SLC44A5: variants seen among roughly 807,000 people sequenced by gnomAD.
SLC44A5 encodes choline transporter-like protein 5.
A neutral mutation model predicts 101.8 loss-of-function variants in SLC44A5; 57 were observed. The ratio of observed to expected loss-of-function variants is 0.56; its 90% confidence interval spans 0.45 to 0.70. The LOEUF (loss-of-function observed/expected upper bound fraction) is 0.70. Ranked by LOEUF, SLC44A5 falls within the 30% of genes least tolerant of loss-of-function variation. The pLI, the probability that SLC44A5 is intolerant of heterozygous loss-of-function variation, is 0.00. For synonymous variants in SLC44A5, 281 were observed against 290.9 expected, an observed-to-expected ratio of 0.97 and a Z score of 0.35; for missense variants, 737 against 853.1, an observed-to-expected ratio of 0.86 and a Z score of 1.70.
At position 75,243,514 on chromosome 1, in the gene SLC44A5, T is replaced by A. The variant is rs191861409; in HGVS notation, c.346-503A>T. On this transcript the variant is annotated intron_variant, in intron 7 of 23. Transcript: ENST00000370859. ...CCAATCTCTATTCTTTGCTCTTTGA[T>A]ATTGATGTTATGTTAAAACAAGATA... 2.6e-5 allele frequency among the ~76,000 whole-genome samples: 4 copies of A among 152,218 alleles called. No homozygotes were observed. In the East Asian group the frequency reaches 7.7e-4, roughly 29 times the overall value.
At chr1:75,646,824 A>C in the SLC44A5 span, among the ~76,000 whole-genome samples, 2 of 152,160 alleles carry the variant, frequency 1.3e-5, no homozygotes, top group African/African-American at 2.4e-5. Context: ...TGAACTTGAG[A>C]GAGATAATTT....
chr1:75,591,265 A>G (rs1303027400), intron 1 of SLC44A5, among the ~76,000 whole-genome samples: 1 of 152,168 alleles, frequency 6.6e-6, no homozygotes, highest in Non-Finnish European at 1.5e-5. Context: ...ACCTTCACTA[A>G]AAGGAAGACA....
chr1:75,373,623 A>C (rs1017458263), intron 3 of SLC44A5, among the ~76,000 whole-genome samples: 8 of 152,092 alleles, frequency 5.3e-5, no homozygotes, highest in Non-Finnish European at 8.8e-5. Context: ...CGGCCAGGAG[A>C]GAGCAAGGCT....
chr1:75,400,659 C>CTTCTG (rs966896805), intron 2 of SLC44A5, among the ~76,000 whole-genome samples: 1 of 152,188 alleles, frequency 6.6e-6, no homozygotes, highest in Non-Finnish European at 1.5e-5. Flanking sequence ...AAAGTCTGGG[C>CTTCTG]TTCTGCCTTA....
At chr1:75,297,554 G>C (rs912441075) in intron 5 of SLC44A5, among the ~76,000 whole-genome samples, 2 of 152,114 alleles carry the variant, frequency 1.3e-5, no homozygotes, top group African/African-American at 4.8e-5. Flanking sequence ...ATAAATGCTG[G>C]GGTTATAGGC....
chr1:75,559,125 G>T (rs1281992218), intron 1 of SLC44A5, among the ~76,000 whole-genome samples: 3 of 151,894 alleles, frequency 2.0e-5, no homozygotes, highest in Admixed American at 6.6e-5. Context: ...ACTACAGTTT[G>T]TATATCTATA....
intron 2 of SLC44A5, among the ~76,000 whole-genome samples, chr1:75,442,154 C>T (rs1265802367): frequency 6.6e-6 from 1 of 152,054 alleles, no homozygotes; most frequent in Non-Finnish European, 1.5e-5. Context: ...CTTTGTAATT[C>T]GGCTCTAGTG....
At chr1:75,719,669 C>A in the SLC44A5 span, among the ~76,000 whole-genome samples, 1 of 152,138 alleles carries the variant, frequency 6.6e-6, no homozygotes, top group African/African-American at 2.4e-5. Flanking sequence ...CATACAAATT[C>A]TCTTCTGATT....
In SLC44A5 at chr1:75,217,864, A is replaced by G. The variant is rs1327756460; in HGVS notation, c.1624+2T>C. 6.4e-7 allele frequency: 1 copy of G among 1,563,142 alleles called. No individual in the cohort carries two copies. The highest frequency in any genetic ancestry group is 8.8e-7 in the Non-Finnish European group (1 of 1,134,326). On this transcript the variant is annotated splice_donor_variant, in intron 18 of 23. Coordinates refer to ENST00000370859, the MANE Select transcript of SLC44A5 (RefSeq NM_001130058.2). LOFTEE classifies it high-confidence loss of function. Reference sequence around the variant, plus strand: ...CAAAAGTCAGGACATCTGAAATCTTACGTTTAAGACGGTGGTCCAAGTATT... The same window carrying G: ...CAAAAGTCAGGACATCTGAAATCTTGCGTTTAAGACGGTGGTCCAAGTATT...
At chr1:75,459,918 G>C (rs1302881890) in intron 2 of SLC44A5, among the ~76,000 whole-genome samples, 1 of 152,096 alleles carries the variant, frequency 6.6e-6, no homozygotes, top group Non-Finnish European at 1.5e-5. Flanking sequence ...GGAACTACAG[G>C]AGGCACGTGA....
chr1:75,320,575 G>A (rs1343810396), intron 4 of SLC44A5, among the ~76,000 whole-genome samples: 11 of 152,220 alleles, frequency 7.2e-5, no homozygotes, highest in Non-Finnish European at 1.5e-4. Flanking sequence ...CATTCTATAT[G>A]CCTAAGGATA....
chr1:75,538,863 A>G, intron 2 of SLC44A5, among the ~76,000 whole-genome samples: 1 of 152,148 alleles, frequency 6.6e-6, no homozygotes, highest in South Asian at 2.1e-4. Flanking sequence ...GAAACCATAC[A>G]TTGGCCTGGA....
Position 75,314,390 on chromosome 1 carries a change from A to G in SLC44A5, c.102-13705T>C, listed in dbSNP as rs1220468833. Among the ~76,000 whole-genome samples, 5 of 152,188 alleles carry G rather than the reference A, an allele frequency of 3.3e-5. No homozygotes were observed. The South Asian group carries it at 8.3e-4, about 25-fold the overall frequency. On this transcript the variant is annotated intron_variant, in intron 4 of 23. Coordinates refer to ENST00000370859, the MANE Select transcript of SLC44A5 (RefSeq NM_001130058.2). ...AGCATCATCTTTCATATTTTGATGT[A>G]AAAAGCATGTGAAATCTATGTTTTA...
chr1:75,472,547 T>C (rs558003670), intron 2 of SLC44A5, among the ~76,000 whole-genome samples: 2 of 152,316 alleles, frequency 1.3e-5, no homozygotes, highest in South Asian at 4.1e-4. Context: ...GAGCTTGCGC[T>C]GTGAAGTGAG....
chr1:75,222,380 G>C lies in SLC44A5; in HGVS notation c.1066C>G (p.Leu356Val), dbSNP rs567560165. 1.9e-6 allele frequency: 3 copies of C among 1,613,512 alleles called. No homozygotes were observed. In the Admixed American group the frequency reaches 5.0e-5, roughly 27 times the overall value. ...LRNRIRVAII[L>V]LKEGSKAIGY... ...CCTTACTTGCTTCCTTCCTTCAGCAGGATAATGGCGACTCGGATTCGATTC... is the reference window on the plus strand; with the variant it reads ...CCTTACTTGCTTCCTTCCTTCAGCACGATAATGGCGACTCGGATTCGATTC... The change falls in exon 14 of 24, where the codon CTG (leucine) becomes GTG (valine). Residue 356 changes from leucine to valine, a missense_variant. Transcript: ENST00000370859.
Position 75,421,762 on chromosome 1 carries a change from G to A in SLC44A5, c.14-25141C>T, listed in dbSNP as rs192466995. 2.0e-3 allele frequency among the ~76,000 whole-genome samples: 310 copies of A among 152,098 alleles called. 2 individuals carry two copies. Among genetic ancestry groups the A allele is most frequent in the Non-Finnish European group, 2.1e-3 (142 of 67,996 alleles). ...TAATAGAGGAAGGAGAAACATGTAG[G>A]TGGAAAAAAGCTTTTGTTATATAAT... On this transcript the variant is annotated intron_variant, in intron 2 of 23. Coordinates refer to ENST00000370859, the MANE Select transcript of SLC44A5 (RefSeq NM_001130058.2).
In SLC44A5 at chr1:75,425,808, G is replaced by A. The variant is rs200366393; in HGVS notation, c.14-29187C>T. Among the ~76,000 whole-genome samples the A allele has an allele frequency of 2.0e-3, 299 of 152,240 alleles. 1 individual carries two copies. The highest frequency in any genetic ancestry group is 7.0e-3 in the African/African-American group (289 of 41,554). Reference sequence around the variant, plus strand: ...ACCAACACTGCAGAACATCAGAATCGCCTTGCACAGAAAATACCAGAGGGA... The same window carrying A: ...ACCAACACTGCAGAACATCAGAATCACCTTGCACAGAAAATACCAGAGGGA... On this transcript the variant is annotated intron_variant, in intron 2 of 23. Transcript: ENST00000370859.
intron 23 of SLC44A5, among the ~76,000 whole-genome samples, chr1:75,207,251 G>A (rs1160476638): frequency 6.6e-6 from 1 of 152,126 alleles, no homozygotes; most frequent in African/African-American, 2.4e-5. Flanking sequence ...TAGGGACCCA[G>A]CTTCTTGACA....
At chr1:75,514,456 A>G (rs1407637367) in intron 2 of SLC44A5, among the ~76,000 whole-genome samples, 1 of 152,216 alleles carries the variant, frequency 6.6e-6, no homozygotes, top group Non-Finnish European at 1.5e-5. Flanking sequence ...AAATGCTAAC[A>G]TGGCATCCAA....
Sources: allele counts gnomAD v4.1 joint callset (sites outside exome capture counted in the v4.1 genomes callset), GRCh38; gene constraint gnomAD v4.1.1; transcripts MANE v1.5; gene names NCBI Gene and HGNC (gene_info 2026-07-23, HGNC 2026-07-21).